Variants in DNM2 observed in about 807,000 individuals in gnomAD.
DNM2 encodes the protein dynamin 2, also known as dynamin-2.
In DNM2, 15 loss-of-function variants were observed where a neutral mutation model predicts 99.0. The observed-to-expected ratio is 0.15, with a 90% confidence interval of 0.10 to 0.23. The LOEUF is 0.23. Ranked by LOEUF, DNM2 falls within the 10% of genes least tolerant of loss-of-function variation. DNM2 has a pLI of 1.00. For synonymous variants in DNM2, 525 were observed against 481.2 expected, an observed-to-expected ratio of 1.09 and a Z score of -1.19; for missense variants, 742 against 1,189.4, an observed-to-expected ratio of 0.62 and a Z score of 5.53.
intron 12 of DNM2, chr19:10,803,556 CCA>C: frequency 1.1e-6 from 1 of 908,200 alleles, no homozygotes; most frequent in Non-Finnish European, 1.3e-6. Flanking sequence ...CACACTTCAT[CCA>C]CAGTTCCTTC....
intron 1 of DNM2, among the ~76,000 whole-genome samples, chr19:10,740,236 C>T (rs964669652): frequency 1.1e-4 from 17 of 152,018 alleles, no homozygotes; most frequent in African/African-American, 4.1e-4. Flanking sequence ...GTGTTAACTT[C>T]TCTCTCCATT....
rs566209955 is a variant in DNM2, at chr19:10,811,744, G to T, written c.1558-520G>T. 224 of 518,676 alleles carry T rather than the reference G, an allele frequency of 4.3e-4. 4 individuals are homozygous for T. Among genetic ancestry groups the T allele is most frequent in the South Asian group, 3.1e-3 (221 of 71,522 alleles). The allele number at this position is 518,676 out of a possible 1,614,324, so 32.1% of individuals were successfully genotyped here. ...CAGCCACACAATCCCCATCCATGGG[G>T]TCTCCCAGCCTGAAACCCTGATGTG... On this transcript the variant is annotated intron_variant, in intron 14 of 20. Coordinates refer to ENST00000389253, the MANE Select transcript of DNM2 (RefSeq NM_001005361.3). This position sits in a 1 kb window ranked among gnomAD's most constrained non-coding sequence, Gnocchi z 5.4.
In DNM2 at chr19:10,796,339, T is replaced by TGGGGAGAG; in HGVS notation, c.1196+900_1196+901insGGGGAGAG. 3.0e-6 allele frequency: 4 copies of TGGGGAGAG among 1,320,556 alleles called. No individual in the cohort carries two copies. The highest frequency in any genetic ancestry group is 3.2e-6 in the Non-Finnish European group (3 of 936,446). 81.8% of individuals were successfully genotyped at this position (1,320,556 alleles called of 1,614,324 possible). A position where few individuals can be genotyped will look rare whatever the true frequency, so the allele number is the denominator to read the frequency against. On this transcript the variant is annotated intron_variant, in intron 9 of 20. Coordinates refer to ENST00000389253, the MANE Select transcript of DNM2 (RefSeq NM_001005361.3). This position sits in a 1 kb window ranked among gnomAD's most constrained non-coding sequence, Gnocchi z 5.6. ...GCTTTGTGTCCGTGAACTTGGCCTC[T>TGGGGAGAG]CCCCAGAGGCTGGGGCAGGAGCATG...
At chr19:10,783,694 TTATTATTATTA>T (rs1568298544) in intron 6 of DNM2, among the ~76,000 whole-genome samples, 4 of 133,076 alleles carry the variant, frequency 3.0e-5, no homozygotes, top group Admixed American at 7.5e-5. Context: ...ATTATTATTA[TTATTATTATTA>T]TTTTTTATTT....
chr19:10,760,147 C>T (rs1225259110), intron 2 of DNM2, among the ~76,000 whole-genome samples: 2 of 151,998 alleles, frequency 1.3e-5, no homozygotes, highest in Non-Finnish European at 2.9e-5. Flanking sequence ...GATTCTCCTG[C>T]CTCAGCCTCC....
intron 1 of DNM2, among the ~76,000 whole-genome samples, chr19:10,739,544 G>A (rs1309130384): frequency 6.6e-6 from 1 of 152,032 alleles, no homozygotes; most frequent in East Asian, 1.9e-4. Context: ...TGTTTATTTA[G>A]CATCATGTTT....
intron 7 of DNM2, among the ~76,000 whole-genome samples, chr19:10,788,505 G>A (rs771240610): frequency 7.2e-5 from 11 of 152,298 alleles, no homozygotes; most frequent in East Asian, 5.8e-4. Context: ...AGTTCTGAGC[G>A]CAGGAGAGTC....
Position 10,831,734 on chromosome 19 carries a change from G to T in DNM2, c.*687G>T. 1.0e-6 allele frequency: 1 copy of T among 986,322 alleles called. No individual in the cohort carries two copies. The highest frequency in any genetic ancestry group is 1.2e-6 in the Non-Finnish European group (1 of 830,404). The allele number at this position is 986,322 out of a possible 1,614,324, so 61.1% of individuals were successfully genotyped here. A position where few individuals can be genotyped will look rare whatever the true frequency, so the allele number is the denominator to read the frequency against. ...CTTGGGCTATGTGGGTGGTGGTGGC[G>T]GGGGGTCTTGGGGGCCTCTCAGCTC... On this transcript the variant is annotated 3_prime_UTR_variant, in exon 21 of 21. Coordinates refer to ENST00000389253, the MANE Select transcript of DNM2 (RefSeq NM_001005361.3). The surrounding 1 kb of genome is among the most constrained non-coding windows in gnomAD (Gnocchi z 4.3).
At chr19:10,810,938 C>T (rs749953233) in intron 14 of DNM2, 1 of 152,360 alleles carries the variant, frequency 6.6e-6, no homozygotes, top group Admixed American at 6.5e-5. Context: ...TCACTGCGTT[C>T]CCAGAGGGGA....
chr19:10,744,630 A>C (rs1399303558), intron 1 of DNM2, among the ~76,000 whole-genome samples: 2 of 152,124 alleles, frequency 1.3e-5, no homozygotes, highest in Non-Finnish European at 2.9e-5. Context: ...CAGAGCTGGA[A>C]ATCCATACAT....
In DNM2 at chr19:10,743,679, G is replaced by A. The variant is rs550250146; in HGVS notation, c.162-16059G>A. On this transcript the variant is annotated intron_variant, in intron 1 of 20. Coordinates refer to ENST00000389253, the MANE Select transcript of DNM2 (RefSeq NM_001005361.3). ...CAAAAAATTAGCCGGGTGTGGTGGC[G>A]GGTGCTTGTAGTCCCAGCTACTCAG... Among the ~76,000 whole-genome samples the A allele has an allele frequency of 1.1e-3, 172 of 151,848 alleles. 1 individual carries two copies. The highest frequency in any genetic ancestry group is 4.0e-3 in the African/African-American group (165 of 41,410).
chr19:10,768,126 C>G (rs1482294190), intron 2 of DNM2, among the ~76,000 whole-genome samples: 1 of 152,042 alleles, frequency 6.6e-6, no homozygotes, highest in South Asian at 2.1e-4. Flanking sequence ...GGTTGGCCGA[C>G]AGCAGAAGGA....
chr19:10,749,503 C>G (rs1479467163), intron 1 of DNM2, among the ~76,000 whole-genome samples: 1 of 152,216 alleles, frequency 6.6e-6, no homozygotes, highest in Non-Finnish European at 1.5e-5. Context: ...TGACTTGAGC[C>G]AGGCCAAGCC....
At chr19:10,792,730 C>G (rs1462851972) in intron 7 of DNM2, among the ~76,000 whole-genome samples, 3 of 152,072 alleles carry the variant, frequency 2.0e-5, no homozygotes, top group African/African-American at 7.2e-5. Flanking sequence ...GCCTCAGCCT[C>G]CCGATTAACT....
rs2072021868 is a variant in DNM2, at chr19:10,798,533, C to A, written c.1383C>A (p.Thr461=). 3 of 1,614,218 alleles carry A rather than the reference C, an allele frequency of 1.9e-6. No homozygotes were observed. Among genetic ancestry groups the A allele is most frequent in the Non-Finnish European group, 2.5e-6 (3 of 1,180,038 alleles). ...GAGAGGAGACAGAGCGAATCGTCAC[C>A]ACTTACATCCGGGAACGGGAGGGGA... is the stretch of plus-strand genomic sequence containing the variant. The part of the protein sequence containing the change: ...RLREETERIV[T]TYIREREGRT... Residue 461 remains threonine, a synonymous_variant, in exon 11 of 21, where the codon ACC becomes ACA. Transcript: ENST00000389253.
In DNM2 at chr19:10,831,009, A is replaced by G. The variant is rs1299876168; in HGVS notation, c.2575A>G (p.Thr859Ala). The change falls in exon 21 of 21, where the codon ACC becomes GCC. Residue 859 changes from threonine to alanine, a missense_variant. Physicochemically the swap from Thr to Ala is moderately conservative, Grantham distance 58. Around this residue, in one of 7 missense-constraint regions of DNM2, gnomAD observed 187 missense variants for 218.8 expected, o/e 0.85. Coordinates refer to ENST00000389253, the MANE Select transcript of DNM2 (RefSeq NM_001005361.3). This position sits in a 1 kb window ranked among gnomAD's most constrained non-coding sequence, Gnocchi z 4.3. Reference sequence around the variant, plus strand: ...ACCCCCTGCTGCGCCCAGCCGGCCCACCATTATCCGCCCAGCCGAGCCATC... The same window carrying G: ...ACCCCCTGCTGCGCCCAGCCGGCCCGCCATTATCCGCCCAGCCGAGCCATC... ...RRPPAAPSRP[T>A]IIRPAEPSLL... is the part of the protein sequence containing the mutation. 1.9e-6 allele frequency: 3 copies of G among 1,609,990 alleles called. No homozygotes were observed. The South Asian group carries it at 3.3e-5, about 18-fold the overall frequency.
chr19:10,816,761 G>A lies in DNM2; in HGVS notation c.1672-3219G>A, dbSNP rs977663999. On this transcript the variant is annotated intron_variant, in intron 15 of 20. Coordinates refer to ENST00000389253, the MANE Select transcript of DNM2 (RefSeq NM_001005361.3). The surrounding 1 kb of genome is among the most constrained non-coding windows in gnomAD (Gnocchi z 4.6). ...GCCTGGGGCAGCGAGCCTTGGAGGA[G>A]CCTCTGGGCCTGAACCTCAGCCTGG... 2.0e-5 allele frequency among the ~76,000 whole-genome samples: 3 copies of A among 152,216 alleles called. No individual in the cohort carries two copies. The highest frequency in any genetic ancestry group is 2.9e-5 in the Non-Finnish European group (2 of 68,026).
intron 1 of DNM2, 72 bp downstream of exon 1, chr19:10,718,475 C>T (rs1468711620): frequency 1.2e-5 from 16 of 1,286,928 alleles, no homozygotes; most frequent in African/African-American, 4.7e-5. Flanking sequence ...GAATGGCGCG[C>T]CGTGCGCCGC....
intron 4 of DNM2, among the ~76,000 whole-genome samples, chr19:10,776,706 A>G (rs1312647470): frequency 1.3e-5 from 2 of 152,240 alleles, no homozygotes; most frequent in African/African-American, 2.4e-5. Context: ...CATTCAGGCA[A>G]GAGGTAGTCC....
Sources: gnomAD v4.1 joint callset for allele counts (sites outside exome capture counted in the v4.1 genomes callset) on GRCh38, gnomAD v4.1.1 for gene constraint, gnomAD v4.1.1 regional missense constraint, Gnocchi (gnomAD v3.1) non-coding constraint, MANE v1.5 for transcripts, NCBI Gene and HGNC (gene_info 2026-07-23, HGNC 2026-07-21) for gene names.